PEBP4: variants seen among roughly 807,000 people sequenced by gnomAD.
PEBP4 encodes the protein phosphatidylethanolamine binding protein 4, also known as phosphatidylethanolamine-binding protein 4.
A neutral mutation model predicts 23.9 loss-of-function variants in PEBP4; 22 were observed. That is an observed-to-expected ratio of 0.92 (90% confidence interval 0.66 to 1.31). The LOEUF (loss-of-function observed/expected upper bound fraction) is 1.31, where lower values mean the gene tolerates loss of function less well. Ranked by LOEUF, PEBP4 falls within the 40% of genes most tolerant of loss-of-function variation. The probability of loss-of-function intolerance (pLI) is 0.00; values close to 1 mark genes in which losing one functional copy is unlikely to be tolerated. For synonymous variants in PEBP4, 112 were observed against 99.3 expected (o/e 1.13, Z -0.76); for missense variants, 324 against 281.7 (o/e 1.15, Z -1.07).
chr8:22,831,248 A>G (rs1301748065), intron 3 of PEBP4, among the ~76,000 whole-genome samples: 1 of 152,124 alleles, frequency 6.6e-6, no homozygotes. Context: ...TCATCCTTGC[A>G]TTTCTTTCCC....
chr8:22,870,888 T>C (rs1321378108), intron 3 of PEBP4, among the ~76,000 whole-genome samples: 1 of 152,154 alleles, frequency 6.6e-6, no homozygotes, highest in East Asian at 1.9e-4. Context: ...AGAAGGGGTT[T>C]TGTTTTGGAG....
At chr8:22,837,573 C>T (rs1001780837) in intron 3 of PEBP4, among the ~76,000 whole-genome samples, 8 of 152,160 alleles carry the variant, frequency 5.3e-5, no homozygotes, top group Non-Finnish European at 8.8e-5. Flanking sequence ...GTTAGCCTGC[C>T]CAGGGGACTC....
At chr8:22,834,825 T>G (rs1807166704) in intron 3 of PEBP4, among the ~76,000 whole-genome samples, 2 of 152,122 alleles carry the variant, frequency 1.3e-5, no homozygotes, top group Non-Finnish European at 2.9e-5. Flanking sequence ...AGGGGACAAG[T>G]GTGTGACTGA....
At chr8:22,839,187 T>C (rs1018656781) in intron 3 of PEBP4, among the ~76,000 whole-genome samples, 1 of 152,126 alleles carries the variant, frequency 6.6e-6, no homozygotes, top group Non-Finnish European at 1.5e-5. Context: ...CAAGCCCAGA[T>C]AGATGGGGGT....
chr8:22,889,359 A>G lies in PEBP4; in HGVS notation c.258+30825T>C, dbSNP rs370583594. On this transcript the variant is annotated intron_variant, in intron 3 of 6. Coordinates refer to ENST00000256404, the MANE Select transcript of PEBP4 (RefSeq NM_144962.3). ...GCCCCCTCAAAATCCAGAACAATGC[A>G]GGGGCTGAGAAGAGGAAGGTGGAAG... Among the ~76,000 whole-genome samples the G allele has an allele frequency of 1.1e-4, 16 of 152,340 alleles. No individual in the cohort carries two copies. The East Asian group carries it at 2.1e-3, about 20-fold the overall frequency.
chr8:22,736,222 T>C (rs1158853547), intron 4 of PEBP4, among the ~76,000 whole-genome samples: 3 of 152,292 alleles, frequency 2.0e-5, no homozygotes, highest in African/African-American at 7.2e-5. Flanking sequence ...GGGTCACTCA[T>C]TCTCTGGATG....
intron 6 of PEBP4, among the ~76,000 whole-genome samples, chr8:22,715,970 G>T (rs543512028): frequency 6.6e-6 from 1 of 152,138 alleles, no homozygotes; most frequent in East Asian, 1.9e-4. Flanking sequence ...GAGAGTCCGC[G>T]GCCAGGCAGG....
At chr8:22,928,168 A>C (rs1345572175), upstream of PEBP4, among the ~76,000 whole-genome samples, 1 of 152,234 alleles carries the variant, frequency 6.6e-6, no homozygotes, top group Non-Finnish European at 1.5e-5. Flanking sequence ...CCCCAGGCTC[A>C]GGGCTAGGAG....
At chr8:22,755,716 C>T (rs1805366505) in intron 4 of PEBP4, 1 of 151,998 alleles carries the variant, frequency 6.6e-6, no homozygotes, top group African/African-American at 2.4e-5. Context: ...ATTTATTGTT[C>T]TTTTTTTTCA....
At chr8:22,922,772 C>G (rs17088799) in intron 2 of PEBP4, among the ~76,000 whole-genome samples, 23,234 of 151,178 alleles carry the variant, frequency 0.15, 2,027 homozygotes, top group East Asian at 0.25. Context: ...GTGCCACCTT[C>G]CTGTGTGCCC....
intron 3 of PEBP4, among the ~76,000 whole-genome samples, chr8:22,893,589 G>A (rs1409505711): frequency 6.6e-6 from 1 of 152,108 alleles, no homozygotes; most frequent in Non-Finnish European, 1.5e-5. Context: ...TATTCCCAGA[G>A]ACATAGAAAA....
intron 4 of PEBP4, among the ~76,000 whole-genome samples, chr8:22,805,990 A>T (rs1806487079): frequency 6.6e-6 from 1 of 152,100 alleles, no homozygotes; most frequent in Non-Finnish European, 1.5e-5. Context: ...GTGGCCTAAG[A>T]TGATATTAAC....
intron 4 of PEBP4, among the ~76,000 whole-genome samples, chr8:22,774,213 A>G (rs963815116): frequency 6.6e-6 from 1 of 152,082 alleles, no homozygotes; most frequent in African/African-American, 2.4e-5. Context: ...TTCCCTTTCA[A>G]TCACTTTCCT....
intron 1 of PEBP4, among the ~76,000 whole-genome samples, chr8:22,934,510 A>C (rs577148997): frequency 2.8e-4 from 42 of 152,328 alleles, no homozygotes; most frequent in African/African-American, 1.0e-3. Context: ...AAATGTAAAG[A>C]AAGGTAGAAA....
chr8:22,913,598 C>A (rs1189064489), intron 3 of PEBP4, among the ~76,000 whole-genome samples: 1 of 152,112 alleles, frequency 6.6e-6, no homozygotes, highest in Non-Finnish European at 1.5e-5. Flanking sequence ...CCTCCTCTTC[C>A]CTCAGAAGCA....
intron 1 of PEBP4, among the ~76,000 whole-genome samples, chr8:22,938,072 G>T (rs894826668): frequency 6.6e-6 from 1 of 152,026 alleles, no homozygotes; most frequent in African/African-American, 2.4e-5. Flanking sequence ...AAAGTAGACT[G>T]ACAAATTGAA....
chr8:22,784,787 C>T (rs571110683), intron 4 of PEBP4, among the ~76,000 whole-genome samples: 14 of 152,302 alleles, frequency 9.2e-5, no homozygotes, highest in South Asian at 4.1e-4. Context: ...GAGAAAATGA[C>T]GGCAGCAAAA....
At chr8:22,824,244 T>G (rs1049661609) in intron 3 of PEBP4, among the ~76,000 whole-genome samples, 2 of 152,208 alleles carry the variant, frequency 1.3e-5, no homozygotes, top group African/African-American at 4.8e-5. Flanking sequence ...GCTTTTATAC[T>G]TAGACAAAAA....
At chr8:22,797,415 C>T (rs1162989903) in intron 4 of PEBP4, among the ~76,000 whole-genome samples, 1 of 151,802 alleles carries the variant, frequency 6.6e-6, no homozygotes, top group Non-Finnish European at 1.5e-5. Context: ...CACCGAGGCC[C>T]AAAGGAGATG....
Sources: allele counts gnomAD v4.1 joint callset (sites outside exome capture counted in the v4.1 genomes callset), GRCh38; gene constraint gnomAD v4.1.1; transcripts MANE v1.5; gene names NCBI Gene and HGNC (gene_info 2026-07-23, HGNC 2026-07-21).